The following PLD1 variants were observed in gnomAD, a reference collection of about 807,000 sequenced individuals.
The protein encoded by PLD1 is phospholipase D1, also known as choline phosphatase 1.
A neutral mutation model predicts 137.1 loss-of-function variants in PLD1; 112 were observed. The ratio of observed to expected loss-of-function variants is 0.82; its 90% CI spans 0.70 to 0.96. The LOEUF is 0.96. PLD1 is among the 40% of genes least tolerant of loss of function. The pLI is 0.00. For missense variants in PLD1, 1,321 were observed against 1,342.0 expected, an observed-to-expected ratio of 0.98 and a Z score of 0.24; for synonymous variants, 431 against 454.7, an observed-to-expected ratio of 0.95 and a Z score of 0.66.
intron 4 of PLD1, among the ~76,000 whole-genome samples, chr3:171,735,226 C>T (rs1315299409): frequency 1.3e-5 from 2 of 152,158 alleles, no homozygotes; most frequent in Non-Finnish European, 2.9e-5. Flanking sequence ...CTCTTGGGCT[C>T]AAGCAATCCT....
intron 1 of PLD1, among the ~76,000 whole-genome samples, chr3:171,806,500 AC>A (rs145611701): frequency 6.6e-6 from 1 of 152,338 alleles, no homozygotes; most frequent in Non-Finnish European, 1.5e-5. Context: ...TTTTAGCCAC[AC>A]CCTAGCAAAT....
rs146264662 is a variant in PLD1, at chr3:171,687,408, G to T, written c.1716C>A (p.His572Gln). 1 of 1,614,130 alleles carries T rather than the reference G, an allele frequency of 6.2e-7. No individual in the cohort carries two copies. The highest frequency in any genetic ancestry group is 8.5e-7 in the Non-Finnish European group (1 of 1,180,000). ...CAATGCTGCTGATGCTATCTGCGTC[G>T]TGCAGGTGGTGCCTGTGGAGCTGCT... Reference protein sequence around the residue: ...LYKQLHRHHLHDADSISSIDS... With the variant: ...LYKQLHRHHLQDADSISSIDS... The change falls in exon 15 of 27, where the codon CAC becomes CAA. Residue 572 changes from histidine (H) to glutamine (Q), a missense_variant. His to Gln is a conservative substitution (Grantham distance 24). Transcript: ENST00000351298.
chr3:171,668,441 G>T (rs1473377), intron 19 of PLD1, among the ~76,000 whole-genome samples: 70,476 of 152,056 alleles, frequency 0.46, 16,688 homozygotes, highest in African/African-American at 0.54. Context: ...ACAGATCCTT[G>T]GGAATATCCT....
chr3:171,746,890 G>A (rs6445026), intron 1 of PLD1, among the ~76,000 whole-genome samples: 78,776 of 152,058 alleles, frequency 0.52, 21,584 homozygotes, highest in African/African-American at 0.7. Context: ...ACGGTGGAAG[G>A]TTTGTTCTTT....
intron 26 of PLD1, among the ~76,000 whole-genome samples, chr3:171,604,478 G>A (rs1167548128): frequency 6.6e-6 from 1 of 151,986 alleles, no homozygotes; most frequent in East Asian, 1.9e-4. Flanking sequence ...GTCTGTCCCT[G>A]GAAGTCATGA....
chr3:171,708,239 C>A (rs148107374), intron 11 of PLD1, among the ~76,000 whole-genome samples: 1 of 152,226 alleles, frequency 6.6e-6, no homozygotes, highest in East Asian at 1.9e-4. Context: ...ATAAGCATAG[C>A]AACTCTTATG....
At chr3:171,669,588 A>T (rs755355478) in intron 19 of PLD1, among the ~76,000 whole-genome samples, 3 of 152,168 alleles carry the variant, frequency 2.0e-5, no homozygotes, top group Admixed American at 1.3e-4. Flanking sequence ...TTTTAGTAGG[A>T]CGGGGTTTTG....
In PLD1 at chr3:171,713,971, AC is replaced by A; in HGVS notation, c.832del (p.Val278Ter). On this transcript the variant is annotated frameshift_variant, in exon 9 of 27. Coordinates refer to ENST00000351298, the MANE Select transcript of PLD1 (RefSeq NM_002662.5). LOFTEE classifies it high-confidence loss of function. ...DSGAIAFVLL[V>X]DKEFKIKVGK... is the part of the protein sequence containing the mutation. ...CACCTTAATTTTGAATTCTTTGTCT[AC>A]CAGCAGGACGAAGGCAATGGCACCG... The A allele has an allele frequency of 6.2e-7, 1 of 1,611,200 alleles. No individual in the cohort carries two copies. The highest frequency in any genetic ancestry group is 8.5e-7 in the Non-Finnish European group (1 of 1,177,336).
intron 21 of PLD1, among the ~76,000 whole-genome samples, chr3:171,645,603 G>A (rs746557980): frequency 5.3e-5 from 8 of 151,710 alleles, no homozygotes; most frequent in East Asian, 1.9e-4. Flanking sequence ...CTGAGTGGCC[G>A]GCCGGGCGTG....
intron 13 of PLD1, among the ~76,000 whole-genome samples, chr3:171,691,072 C>G (rs1715105561): frequency 6.6e-6 from 1 of 152,092 alleles, no homozygotes; most frequent in Admixed American, 6.5e-5. Context: ...TTCTTTGTCT[C>G]TTGTAAGCAT....
At chr3:171,692,038 A>G (rs1002682465) in intron 13 of PLD1, among the ~76,000 whole-genome samples, 4 of 152,226 alleles carry the variant, frequency 2.6e-5, no homozygotes, top group African/African-American at 9.6e-5. Context: ...GAGAAGTGTG[A>G]GAACTTGATA....
chr3:171,690,956 T>C (rs1194486475), intron 13 of PLD1, among the ~76,000 whole-genome samples: 6 of 152,228 alleles, frequency 3.9e-5, no homozygotes, highest in African/African-American at 1.4e-4. Context: ...ATAGACTGTC[T>C]TTTTCTCCTT....
chr3:171,724,789 C>A lies in PLD1; in HGVS notation c.666-1G>T. On this transcript the variant is annotated splice_acceptor_variant, in intron 7 of 26. Transcript: ENST00000351298. LOFTEE classifies it high-confidence loss of function. ...AGATCTTTTCATTATCATACCTTCT[C>A]TGAAAGAGACAGAAAATTAACCCAT... 1 of 1,584,548 alleles carries A rather than the reference C, an allele frequency of 6.3e-7. No homozygotes were observed. The highest frequency in any genetic ancestry group is 1.1e-5 in the South Asian group (1 of 90,530).
chr3:171,740,620 A>G (rs1013869560), intron 1 of PLD1, among the ~76,000 whole-genome samples: 2 of 152,084 alleles, frequency 1.3e-5, no homozygotes, highest in East Asian at 3.9e-4. Context: ...TAAGAAATAC[A>G]AAGACTACAG....
intron 12 of PLD1, among the ~76,000 whole-genome samples, chr3:171,696,717 G>C (rs2108533622): frequency 6.6e-6 from 1 of 152,236 alleles, no homozygotes; most frequent in East Asian, 1.9e-4. Flanking sequence ...AGTGATCCGA[G>C]TGTTAAAAAA....
intron 1 of PLD1, chr3:171,788,778 G>T (rs1723110971): frequency 6.6e-6 from 1 of 152,158 alleles, no homozygotes; most frequent in South Asian, 2.1e-4. Context: ...TTAAGACAAA[G>T]AAAAGCATTT....
chr3:171,758,974 T>C (rs1358728115), intron 1 of PLD1, among the ~76,000 whole-genome samples: 1 of 152,226 alleles, frequency 6.6e-6, no homozygotes, highest in Non-Finnish European at 1.5e-5. Context: ...GAATCACTCA[T>C]CAGGCAAAGT....
At position 171,647,196 on chromosome 3, in the gene PLD1, G is replaced by A. The variant is rs1392496020; in HGVS notation, c.2430-2173C>T. ...TACCCAATCAAAGACCCTTGCACAT[G>A]CTATGCACTCGGTATTATTTGCTTT... is the stretch of plus-strand genomic sequence containing the variant. On this transcript the variant is annotated intron_variant, in intron 21 of 26. Transcript: ENST00000351298. Among the ~76,000 whole-genome samples, 6 of 152,276 alleles carry A rather than the reference G, an allele frequency of 3.9e-5. No individual in the cohort carries two copies. In the East Asian group the frequency reaches 1.2e-3, roughly 29 times the overall value.
chr3:171,773,931 G>A (rs971900475), intron 1 of PLD1, among the ~76,000 whole-genome samples: 1 of 152,074 alleles, frequency 6.6e-6, no homozygotes, highest in Non-Finnish European at 1.5e-5. Flanking sequence ...TGTACTTTTA[G>A]TAGAGACGGG....
Sources: gnomAD v4.1 joint callset for allele counts (sites outside exome capture counted in the v4.1 genomes callset) on GRCh38, gnomAD v4.1.1 for gene constraint, MANE v1.5 for transcripts, NCBI Gene and HGNC (gene_info 2026-07-23, HGNC 2026-07-21) for gene names.